The following EIF2AK3 variants were observed in gnomAD, a reference collection of about 807,000 sequenced individuals.
The protein encoded by EIF2AK3 is eukaryotic translation initiation factor 2-alpha kinase 3.
In EIF2AK3, 50 loss-of-function variants were observed where a neutral mutation model predicts 113.5. The observed-to-expected ratio is 0.44, with a 90% CI of 0.35 to 0.56. EIF2AK3 has a LOEUF of 0.56. EIF2AK3 is among the 20% of genes least tolerant of loss of function. The pLI, the probability that EIF2AK3 is intolerant of heterozygous loss-of-function variation, is 0.00. For missense variants in EIF2AK3, 1,185 were observed against 1,378.0 expected (o/e 0.86, Z 2.22); for synonymous variants, 448 against 495.4 (o/e 0.90, Z 1.27).
intron 6 of EIF2AK3, 137 bp downstream of exon 6, chr2:88,590,306 T>C: frequency 1.1e-6 from 1 of 881,608 alleles, no homozygotes; most frequent in Non-Finnish European, 1.8e-6. Context: ...GAAGTATAAA[T>C]CTCAAGGGCA....
chr2:88,579,396 G>T lies in EIF2AK3; in HGVS notation c.1886+122C>A, dbSNP rs1674541611. The T allele has an allele frequency of 7.4e-6, 10 of 1,358,474 alleles. No homozygotes were observed. In the South Asian group the frequency reaches 1.3e-4, roughly 17 times the overall value. 84.2% of individuals were successfully genotyped at this position (1,358,474 alleles called of 1,614,324 possible). Reference sequence around the variant, plus strand: ...TTAATTGGCAGCACTTAGAACCTAAGATTTGAAACGTCTGAAACTGTTTTC... The same window carrying T: ...TTAATTGGCAGCACTTAGAACCTAATATTTGAAACGTCTGAAACTGTTTTC... On this transcript the variant is annotated intron_variant, in intron 11 of 16. Transcript: ENST00000303236.
intron 14 of EIF2AK3, among the ~76,000 whole-genome samples, chr2:88,568,898 GT>G (rs34472220): frequency 1.1e-4 from 17 of 151,224 alleles, no homozygotes; most frequent in South Asian, 2.1e-4. Context: ...TTGACAGAGA[GT>G]TTTTTTTTCG....
intron 2 of EIF2AK3, among the ~76,000 whole-genome samples, chr2:88,600,707 TA>T (rs1355921799): frequency 6.6e-6 from 1 of 152,184 alleles, no homozygotes; most frequent in Non-Finnish European, 1.5e-5. Flanking sequence ...TATCTGAAAT[TA>T]AAATGTGAAA....
intron 4 of EIF2AK3, among the ~76,000 whole-genome samples, chr2:88,592,763 C>CAA: frequency 1.9e-5 from 2 of 104,276 alleles, no homozygotes; most frequent in African/African-American, 7.9e-5. Flanking sequence ...AACTCGGTCT[C>CAA]AAAAAAAAAA....
chr2:88,626,439 T>C (rs137951095), intron 1 of EIF2AK3, among the ~76,000 whole-genome samples: 1 of 152,276 alleles, frequency 6.6e-6, no homozygotes, highest in East Asian at 1.9e-4. Context: ...AAACTGTAGA[T>C]TTCACCAGCA....
chr2:88,627,174 C>G lies in EIF2AK3; in HGVS notation c.101G>C (p.Arg34Pro). Reference sequence around the variant, plus strand: ...CTCCGCCGTCGGCGCTGGGAGGCCACGGGCGCGCCCCGCGGCCACCGTCCT... The same window carrying G: ...CTCCGCCGTCGGCGCTGGGAGGCCAGGGGCGCGCCCCGCGGCCACCGTCCT... ...AARTVAAGRA[R>P]GLPAPTAEAA... is the part of the protein sequence containing the mutation. The change falls in exon 1 of 17, where the codon CGT becomes CCT. Residue 34 changes from arginine (R) to proline (P), a missense_variant. Physicochemically the swap from Arg to Pro is moderately radical, Grantham distance 103 (BLOSUM62 -2). Transcript: ENST00000303236. The G allele has an allele frequency of 2.8e-6, 4 of 1,440,402 alleles. No homozygotes were observed. In the East Asian group the frequency reaches 1.2e-4, roughly 44 times the overall value. The allele number at this position is 1,440,402 out of a possible 1,614,324, so 89.2% of individuals were successfully genotyped here.
chr2:88,577,461 C>CTT lies in EIF2AK3; in HGVS notation c.1887-760_1887-759dup, dbSNP rs199735400. Among the ~76,000 whole-genome samples the CTT allele has an allele frequency of 3.9e-4, 54 of 139,454 alleles. 1 individual carries two copies. The highest frequency in any genetic ancestry group is 2.8e-3 in the East Asian group (13 of 4,686). The allele number at this position is 139,454 out of a possible 152,430, so 91.5% of individuals were successfully genotyped here. ...TGGCATTTAAGGTGCTACAAGCTAT[C>CTT]TTTTTTTTTTTTTTTCCTGAGACAG... On this transcript the variant is annotated intron_variant, in intron 11 of 16. Coordinates refer to ENST00000303236, the MANE Select transcript of EIF2AK3 (RefSeq NM_004836.7).
At chr2:88,580,190 A>C (rs1480929092) in intron 10 of EIF2AK3, among the ~76,000 whole-genome samples, 1 of 152,202 alleles carries the variant, frequency 6.6e-6, no homozygotes, top group Non-Finnish European at 1.5e-5. Flanking sequence ...CAAGTCAAAC[A>C]GAAGCCAACT....
intron 1 of EIF2AK3, among the ~76,000 whole-genome samples, chr2:88,622,097 A>G (rs937140674): frequency 2.0e-5 from 3 of 152,010 alleles, no homozygotes; most frequent in Non-Finnish European, 4.4e-5. Flanking sequence ...GGGTTTCACA[A>G]TGTTGGCCAG....
At chr2:88,591,494 T>C (rs1449851742) in intron 4 of EIF2AK3, among the ~76,000 whole-genome samples, 1 of 152,166 alleles carries the variant, frequency 6.6e-6, no homozygotes, top group Non-Finnish European at 1.5e-5. Context: ...AAAGTCAAGA[T>C]GAATGCACCA....
intron 2 of EIF2AK3, among the ~76,000 whole-genome samples, chr2:88,601,834 CTTTTT>C (rs59987968): frequency 1.6e-4 from 12 of 74,858 alleles, no homozygotes; most frequent in African/African-American, 6.4e-4. Context: ...TAAGATTTTT[CTTTTT>C]TTTTTTTTTT....
chr2:88,608,700 C>CTTTTTTTTTTT (rs1176748814), intron 2 of EIF2AK3, among the ~76,000 whole-genome samples: 1 of 62,002 alleles, frequency 1.6e-5, no homozygotes, highest in East Asian at 5.9e-4. Context: ...TTTTTGATTT[C>CTTTTTTTTTTT]TTTTTTTTTT....
chr2:88,559,972 T>C (rs191842223), intron 15 of EIF2AK3, among the ~76,000 whole-genome samples: 2 of 152,176 alleles, frequency 1.3e-5, no homozygotes, highest in Non-Finnish European at 2.9e-5. Context: ...TACCTAGGAG[T>C]AGAATTACTG....
Position 88,570,905 on chromosome 2 carries a change from A to C in EIF2AK3, c.2954T>G (p.Val985Gly). 6.2e-7 allele frequency: 1 copy of C among 1,614,144 alleles called. No individual in the cohort carries two copies. The highest frequency in any genetic ancestry group is 8.5e-7 in the Non-Finnish European group (1 of 1,180,018). ...MPAYARHTGQ[V>G]GTKLYMSPEQ... ...TGGGCTCATATACAGTTTGGTCCCT[A>C]CTTGTCCTGTGTGTCTGGCATAAGC... is the stretch of plus-strand genomic sequence containing the variant. The change falls in exon 14 of 17, where the codon GTA becomes GGA. Residue 985 changes from valine (V) to glycine (G), a missense_variant. Around this residue, in one of 3 missense-constraint regions of EIF2AK3, gnomAD observed 877 missense variants for 1,024.2 expected, o/e 0.86. Coordinates refer to ENST00000303236, the MANE Select transcript of EIF2AK3 (RefSeq NM_004836.7).
chr2:88,599,428 G>C (rs935861700), intron 2 of EIF2AK3, among the ~76,000 whole-genome samples: 2 of 151,892 alleles, frequency 1.3e-5, no homozygotes, highest in Non-Finnish European at 2.9e-5. Flanking sequence ...ATTTAGGTCA[G>C]AGTATGCACA....
At chr2:88,604,243 T>C (rs2104456041) in intron 2 of EIF2AK3, among the ~76,000 whole-genome samples, 1 of 152,282 alleles carries the variant, frequency 6.6e-6, no homozygotes, top group South Asian at 2.1e-4. Context: ...CATAACCTGA[T>C]CCTGGCCCAC....
At chr2:88,589,252 AT>A (rs1674821373) in intron 6 of EIF2AK3, among the ~76,000 whole-genome samples, 1 of 152,200 alleles carries the variant, frequency 6.6e-6, no homozygotes, top group East Asian at 1.9e-4. Context: ...AACACCTATA[AT>A]TCTAGAAATA....
In EIF2AK3 at chr2:88,586,014, T is replaced by A; in HGVS notation, c.1477A>T (p.Ser493Cys). Residue 493 changes from serine to cysteine, a missense_variant, in exon 9 of 17, where the codon AGC becomes TGC. By Grantham distance (112) the Ser-to-Cys change is moderately radical. Around this residue, in one of 3 missense-constraint regions of EIF2AK3, gnomAD observed 877 missense variants for 1,024.2 expected, o/e 0.86. Coordinates refer to ENST00000303236, the MANE Select transcript of EIF2AK3 (RefSeq NM_004836.7). The stretch of plus-strand genomic sequence containing the variant: ...AGGAATCTGACTGTAATCTGTGTGC[T>A]TCGTTTGTTCCTCTCCCTCTTGTAG... ...PYYKRERNKR[S>C]TQITVRFLDN... 1 of 1,614,160 alleles carries A rather than the reference T, an allele frequency of 6.2e-7. No homozygotes were observed. The highest frequency in any genetic ancestry group is 8.5e-7 in the Non-Finnish European group (1 of 1,179,986).
At chr2:88,619,156 A>T (rs1675658555) in intron 1 of EIF2AK3, among the ~76,000 whole-genome samples, 1 of 151,902 alleles carries the variant, frequency 6.6e-6, no homozygotes, top group African/African-American at 2.4e-5. Context: ...TGCCCAGCTA[A>T]TTTTTGTATT....
Sources: gnomAD v4.1 joint callset for allele counts (sites outside exome capture counted in the v4.1 genomes callset) on GRCh38, gnomAD v4.1.1 for gene constraint, gnomAD v4.1.1 regional missense constraint, MANE v1.5 for transcripts, NCBI Gene and HGNC (gene_info 2026-07-23, HGNC 2026-07-21) for gene names.